KDM5D: variants seen among roughly 807,000 people sequenced by gnomAD.
KDM5D encodes lysine demethylase 5D.
In KDM5D, 25 loss-of-function variants were observed where a neutral mutation model predicts 31.9. The observed-to-expected ratio is 0.78, with a 90% CI of 0.57 to 1.09. The LOEUF (loss-of-function observed/expected upper bound fraction) is 1.09, where lower values mean the gene tolerates loss of function less well. Among genes scored for constraint, KDM5D ranks in the 50% least tolerant of loss-of-function variants. The pLI, the probability that KDM5D is intolerant of heterozygous loss-of-function variation, is 0.00. For missense variants in KDM5D, 366 were observed against 341.6 expected (o/e 1.07, Z -0.56); for synonymous variants, 146 against 122.3 (o/e 1.19, Z -1.28).
intron 11 of KDM5D, among the ~76,000 whole-genome samples, chrY:19,726,806 T>C: frequency 6.0e-5 from 2 of 33,522 alleles, no homozygotes; most frequent in Non-Finnish European, 1.5e-4. Context: ...GTGTTCAGTA[T>C]GTTTTATTAT....
chrY:19,723,260 G>A, intron 11 of KDM5D: 1 of 37,504 alleles, frequency 2.7e-5, no homozygotes, highest in Non-Finnish European at 6.6e-5. Flanking sequence ...ACTGGCTACC[G>A]ACATGCTGAA....
chrY:19,714,232 C>T, intron 18 of KDM5D, among the ~76,000 whole-genome samples: 2 of 32,757 alleles, frequency 6.1e-5, no homozygotes, highest in Non-Finnish European at 1.5e-4. Context: ...TGATAAAACC[C>T]CTATGTACAT....
At chrY:19,712,306 A>C in intron 18 of KDM5D, among the ~76,000 whole-genome samples, 2 of 33,711 alleles carry the variant, frequency 5.9e-5, no homozygotes, top group African/African-American at 2.3e-4. Flanking sequence ...GACAAATCAC[A>C]TGTATGATAG....
At chrY:19,723,861 A>C in intron 11 of KDM5D, among the ~76,000 whole-genome samples, 1 of 33,902 alleles carries the variant, frequency 2.9e-5, no homozygotes, top group Non-Finnish European at 7.3e-5. Context: ...AACTGTCAAC[A>C]GAATAAACAA....
In KDM5D at chrY:19,707,258, A is replaced by G; in HGVS notation, c.3888T>C (p.Ala1296=). The G allele has an allele frequency of 2.5e-6, 1 of 396,680 alleles. No homozygotes were observed. ...EDVTALLRQL[A]ELRQQLQAKP... is the part of the protein sequence containing the mutation. Reference sequence around the variant, plus strand: ...TGGCCTGTAGCTGTTGGCGAAGCTCAGCCAGCTGTCGCAACAGAGCAGTCA... The same window carrying G: ...TGGCCTGTAGCTGTTGGCGAAGCTCGGCCAGCTGTCGCAACAGAGCAGTCA... The change falls in exon 24 of 27, where the codon GCT becomes GCC. Residue 1296 remains alanine, a synonymous_variant. Coordinates refer to ENST00000317961, the MANE Select transcript of KDM5D (RefSeq NM_004653.5).
In KDM5D at chrY:19,713,652, T is replaced by C. The variant is rs373078999; in HGVS notation, c.2486+1700A>G. Among the ~76,000 whole-genome samples, 142 of 32,936 alleles carry C rather than the reference T, an allele frequency of 4.3e-3. No individual in the cohort carries two copies. In the East Asian group the frequency reaches 0.063, roughly 15 times the overall value. The allele number at this position is 32,936 out of a possible 37,273, so 88.4% of individuals were successfully genotyped here. A position where few individuals can be genotyped will look rare whatever the true frequency, so the allele number is the denominator to read the frequency against. ...ATTATGAAAGTCAGGAAATAGCAGG[T>C]GTTGGTGAGGTGGCGGAGAAAAAGT... On this transcript the variant is annotated intron_variant, in intron 18 of 26. Transcript: ENST00000317961.
In KDM5D at chrY:19,732,046, A is replaced by G; in HGVS notation, c.1212T>C (p.His404=). 1 of 397,623 alleles carries G rather than the reference A, an allele frequency of 2.5e-6. No individual in the cohort carries two copies. The highest frequency in any genetic ancestry group is 3.5e-6 in the Non-Finnish European group (1 of 282,619). The change falls in exon 10 of 27, where the codon CAT becomes CAC. Residue 404 remains histidine, a splice_region_variant and synonymous_variant. Coordinates refer to ENST00000317961, the MANE Select transcript of KDM5D (RefSeq NM_004653.5). ...ATAGTCCAGCCCTCAGATCACATAC[A>G]TGTACAGGCATGTTGAAGTAGTCGG... The part of the protein sequence containing the change: ...FKSDYFNMPV[H]MVPTELVEKE...
intron 13 of KDM5D, among the ~76,000 whole-genome samples, chrY:19,718,025 A>G: frequency 5.8e-5 from 2 of 34,323 alleles, no homozygotes; most frequent in African/African-American, 2.3e-4. Context: ...GCCACACAAG[A>G]TACTATTTCT....
At chrY:19,733,542 C>T (rs758256031) in intron 8 of KDM5D, among the ~76,000 whole-genome samples, 14 of 31,256 alleles carry the variant, frequency 4.5e-4, no homozygotes, top group Middle Eastern at 0.014. Context: ...CATATGCACG[C>T]ATATACACAC....
At chrY:19,734,367 C>G in intron 8 of KDM5D, among the ~76,000 whole-genome samples, 2 of 33,824 alleles carry the variant, frequency 5.9e-5, no homozygotes, top group Non-Finnish European at 1.5e-4. Flanking sequence ...CAAGCGTGAG[C>G]ATTAATAGAA....
At chrY:19,742,502 T>C (rs2045559711) in intron 3 of KDM5D, among the ~76,000 whole-genome samples, 1 of 34,423 alleles carries the variant, frequency 2.9e-5, no homozygotes, top group Non-Finnish European at 7.3e-5. Context: ...ATTTCTTGTC[T>C]GAACTCTGCT....
intron 18 of KDM5D, among the ~76,000 whole-genome samples, chrY:19,713,269 C>CA: frequency 3.0e-5 from 1 of 33,738 alleles, no homozygotes; most frequent in Non-Finnish European, 7.4e-5. Context: ...ATGGAGACGC[C>CA]AAAAGCAACT....
chrY:19,713,443 A>T, intron 18 of KDM5D, among the ~76,000 whole-genome samples: 1 of 33,923 alleles, frequency 2.9e-5, no homozygotes, highest in African/African-American at 1.2e-4. Context: ...GAACCTAATC[A>T]AATTTACAAG....
At chrY:19,714,902 G>C (rs2045323161) in intron 18 of KDM5D, among the ~76,000 whole-genome samples, 1 of 33,625 alleles carries the variant, frequency 3.0e-5, no homozygotes, top group Non-Finnish European at 7.3e-5. Context: ...TTTAACCTCT[G>C]AAGTTTTACC....
At position 19,708,236 on chromosome Y, in the gene KDM5D, G is replaced by T. The variant is rs746183701; in HGVS notation, c.3261+8C>A. ...GAAGAGGCTGTGGGTCAGGGTCTCA[G>T]ACCTCACCTCAAGCAGTGTGTAGCA... On this transcript the variant is annotated splice_region_variant and intron_variant, in intron 22 of 26. Coordinates refer to ENST00000317961, the MANE Select transcript of KDM5D (RefSeq NM_004653.5). 1 of 394,727 alleles carries T rather than the reference G, an allele frequency of 2.5e-6. No individual in the cohort carries two copies. The highest frequency in any genetic ancestry group is 3.0e-5 in the South Asian group (1 of 33,095).
chrY:19,705,849 A>T lies in KDM5D; in HGVS notation c.*146T>A. The T allele has an allele frequency of 6.5e-6, 1 of 154,842 alleles. No individual in the cohort carries two copies. The highest frequency in any genetic ancestry group is 1.2e-5 in the Non-Finnish European group (1 of 83,944). The allele number at this position is 154,842 out of a possible 400,897, so 38.6% of individuals were successfully genotyped here. A position where few individuals can be genotyped will look rare whatever the true frequency, so the allele number is the denominator to read the frequency against. ...GGACTTTACGAACCAACCTTTTAACAGTAACTCTAGGAGAGAGGATATCAA... is the reference window on the plus strand; with the variant it reads ...GGACTTTACGAACCAACCTTTTAACTGTAACTCTAGGAGAGAGGATATCAA... On this transcript the variant is annotated 3_prime_UTR_variant, in exon 27 of 27. Transcript: ENST00000317961.
At chrY:19,716,033 A>G in intron 15 of KDM5D, 29 bp from the exon 16 acceptor site, 2 of 381,764 alleles carry the variant, frequency 5.2e-6, no homozygotes, top group Non-Finnish European at 7.4e-6. Context: ...CATATACTGT[A>G]AAGACTAGGA....
At chrY:19,725,201 A>G (rs760713157) in intron 11 of KDM5D, among the ~76,000 whole-genome samples, 1 of 33,863 alleles carries the variant, frequency 3.0e-5, no homozygotes, top group East Asian at 7.8e-4. Context: ...CAAAACTGGA[A>G]CAAACTACTT....
Position 19,739,523 on chromosome Y carries a change from C to A in KDM5D, c.657+5G>T. The A allele has an allele frequency of 2.5e-6, 1 of 394,193 alleles. No individual in the cohort carries two copies. Among genetic ancestry groups the A allele is most frequent in the Non-Finnish European group, 3.6e-6 (1 of 280,383 alleles). The stretch of plus-strand genomic sequence containing the variant: ...GGAAGAATAACAGGAGTAACAGTCA[C>A]TCACATCAGGCTGTAGCCTTTTTGC... On this transcript the variant is annotated splice_donor_5th_base_variant and intron_variant, in intron 6 of 26. Transcript: ENST00000317961.
Sources: gnomAD v4.1 joint callset for allele counts (sites outside exome capture counted in the v4.1 genomes callset) on GRCh38, gnomAD v4.1.1 for gene constraint, MANE v1.5 for transcripts, NCBI Gene and HGNC (gene_info 2026-07-23, HGNC 2026-07-21) for gene names.